Variants in PRELID2 observed in about 807,000 individuals in gnomAD.
The protein encoded by PRELID2 is PRELI domain-containing protein 2.
Under a neutral mutation model 28.4 loss-of-function variants are expected in PRELID2, and 25 were observed. The ratio of observed to expected loss-of-function variants is 0.88; its 90% CI spans 0.64 to 1.23. The LOEUF (loss-of-function observed/expected upper bound fraction) is 1.23, where lower values mean the gene tolerates loss of function less well. Ranked by LOEUF, PRELID2 falls within the 50% of genes most tolerant of loss-of-function variation. PRELID2 has a pLI of 0.00. For synonymous variants in PRELID2, 76 were observed against 71.6 expected (o/e 1.06, Z -0.31); for missense variants, 201 against 214.4 (o/e 0.94, Z 0.39).
At chr5:145,360,001 T>G in the PRELID2 span, among the ~76,000 whole-genome samples, 1 of 152,132 alleles carries the variant, frequency 6.6e-6, no homozygotes, top group Non-Finnish European at 1.5e-5. Flanking sequence ...TGGCTACATT[T>G]GAGAAATATG....
chr5:145,697,064 T>TAC, intron 1 of PRELID2, among the ~76,000 whole-genome samples: 1 of 120,698 alleles, frequency 8.3e-6, no homozygotes, highest in South Asian at 2.4e-4. Context: ...TATATATATA[T>TAC]ATATATATAT....
intron 1 of PRELID2, chr5:145,729,018 A>G: frequency 1.4e-6 from 1 of 689,800 alleles, no homozygotes; most frequent in Admixed American, 2.2e-5. Flanking sequence ...GGCCAAAGTA[A>G]CATTGGGAGA....
At chr5:145,595,261 G>A (rs554055958) in intron 1 of PRELID2, among the ~76,000 whole-genome samples, 16 of 148,548 alleles carry the variant, frequency 1.1e-4, no homozygotes, top group Non-Finnish European at 3.0e-5. Flanking sequence ...ATTTACTATC[G>A]ATTACCCTGC....
chr5:145,494,801 A>C (rs1752296560), intron 1 of PRELID2, among the ~76,000 whole-genome samples: 1 of 152,186 alleles, frequency 6.6e-6, no homozygotes. Flanking sequence ...TGCAAATCTC[A>C]TTGAATAGAT....
chr5:145,576,008 T>G (rs1177130465), intron 1 of PRELID2, among the ~76,000 whole-genome samples: 1 of 152,152 alleles, frequency 6.6e-6, no homozygotes, highest in Non-Finnish European at 1.5e-5. Flanking sequence ...AAAATCTCCT[T>G]CTAGACATCA....
intron 1 of PRELID2, among the ~76,000 whole-genome samples, chr5:145,658,390 T>C (rs769805816): frequency 6.6e-6 from 1 of 152,170 alleles, no homozygotes; most frequent in Non-Finnish European, 1.5e-5. Flanking sequence ...AGATGCAACA[T>C]GTGATGGGAT....
intron 1 of PRELID2, among the ~76,000 whole-genome samples, chr5:145,562,024 A>G (rs1241301052): frequency 6.6e-6 from 1 of 152,216 alleles, no homozygotes; most frequent in Non-Finnish European, 1.5e-5. Flanking sequence ...TTAACCTTGC[A>G]CATACACTCC....
At chr5:145,335,387 C>T in the PRELID2 span, among the ~76,000 whole-genome samples, 1 of 151,654 alleles carries the variant, frequency 6.6e-6, no homozygotes, top group African/African-American at 2.4e-5. Flanking sequence ...ATTGAGTTGT[C>T]TATTTGTGTT....
intron 1 of PRELID2, among the ~76,000 whole-genome samples, chr5:145,521,019 T>C (rs1436261390): frequency 6.6e-6 from 1 of 152,134 alleles, no homozygotes; most frequent in East Asian, 1.9e-4. Flanking sequence ...GGGACATAAT[T>C]AGCTAATGTG....
the PRELID2 span, among the ~76,000 whole-genome samples, chr5:145,286,670 A>G: frequency 2.0e-5 from 3 of 152,098 alleles, no homozygotes. Flanking sequence ...AAACAAGGAA[A>G]ATGAGATTTG....
chr5:145,818,387 G>A lies in PRELID2; in HGVS notation c.208-333C>T, dbSNP rs552141141. Among the ~76,000 whole-genome samples, 8 of 152,108 alleles carry A rather than the reference G, an allele frequency of 5.3e-5. No individual in the cohort carries two copies. In the East Asian group the frequency reaches 9.6e-4, roughly 18 times the overall value. ...CTTCTTAAATTGATGGATTCTAATC[G>A]AGCCCACTTACAAGCTCACATGCAG... On this transcript the variant is annotated intron_variant, in intron 3 of 6. Transcript: ENST00000683046.
the PRELID2 span, among the ~76,000 whole-genome samples, chr5:145,444,657 G>A: frequency 1.3e-5 from 2 of 151,886 alleles, no homozygotes; most frequent in Non-Finnish European, 2.9e-5. Flanking sequence ...CTAACTAAGA[G>A]AATAAAACTC....
chr5:145,401,099 G>A, the PRELID2 span, among the ~76,000 whole-genome samples: 5 of 152,034 alleles, frequency 3.3e-5, no homozygotes, highest in South Asian at 2.1e-4. Flanking sequence ...CCCTACTGCC[G>A]TTGTCACGTG....
the PRELID2 span, among the ~76,000 whole-genome samples, chr5:145,356,714 T>C: frequency 2.6e-5 from 4 of 152,344 alleles, no homozygotes; most frequent in South Asian, 6.2e-4. Context: ...GTCTTGCTTC[T>C]TTGCCACTCT....
At chr5:145,825,517 C>A (rs1046121893) in intron 1 of PRELID2, among the ~76,000 whole-genome samples, 5 of 152,024 alleles carry the variant, frequency 3.3e-5, no homozygotes, top group Admixed American at 3.3e-4. Flanking sequence ...ATTACATACC[C>A]ATAAATATAT....
the PRELID2 span, among the ~76,000 whole-genome samples, chr5:145,439,015 C>T: frequency 8.1e-3 from 1,226 of 152,246 alleles, 11 homozygotes; most frequent in African/African-American, 0.028. Flanking sequence ...CTTATATCTC[C>T]CACAGCATCT....
chr5:145,383,634 A>C, the PRELID2 span, among the ~76,000 whole-genome samples: 1 of 151,772 alleles, frequency 6.6e-6, no homozygotes, highest in Non-Finnish European at 1.5e-5. Flanking sequence ...AAAAAAAAAA[A>C]ACCTCAACTT....
At chr5:145,796,939 T>C (rs1230305726) in intron 4 of PRELID2, among the ~76,000 whole-genome samples, 1 of 152,114 alleles carries the variant, frequency 6.6e-6, no homozygotes, top group Non-Finnish European at 1.5e-5. Context: ...ATCACAGGAA[T>C]ATGAAGAGTT....
intron 4 of PRELID2, among the ~76,000 whole-genome samples, chr5:145,806,364 G>A (rs1156385868): frequency 6.6e-6 from 1 of 151,516 alleles, no homozygotes; most frequent in African/African-American, 2.4e-5. Flanking sequence ...CATTAGCCTA[G>A]GACTACACAG....
Sources: allele counts gnomAD v4.1 joint callset (sites outside exome capture counted in the v4.1 genomes callset), GRCh38; gene constraint gnomAD v4.1.1; transcripts MANE v1.5; gene names NCBI Gene and HGNC (gene_info 2026-07-23, HGNC 2026-07-21).